The following TENM1 variants were observed in gnomAD, a reference collection of about 807,000 sequenced individuals.
TENM1 encodes the protein teneurin transmembrane protein 1.
TENM1 carries 35 observed loss-of-function variants against 174.8 expected under a neutral mutation model. The observed-to-expected ratio is 0.20, with a 90% CI of 0.15 to 0.27. The LOEUF (loss-of-function observed/expected upper bound fraction) is 0.27, where lower values mean the gene tolerates loss of function less well. TENM1 is among the 10% of genes least tolerant of loss of function. The pLI, the probability that TENM1 is intolerant of heterozygous loss-of-function variation, is 1.00. For synonymous variants in TENM1, 781 were observed against 798.7 expected (o/e 0.98, Z 0.37); for missense variants, 1,633 against 2,130.1 (o/e 0.77, Z 4.59).
chrX:124,656,488 G>T (rs2051447145), intron 6 of TENM1, among the ~76,000 whole-genome samples: 1 of 112,200 alleles, frequency 8.9e-6, no homozygotes, highest in South Asian at 3.7e-4. Flanking sequence ...GACAACATAC[G>T]AATGAGCACG....
At chrX:124,527,008 C>G (rs1206150379) in intron 16 of TENM1, among the ~76,000 whole-genome samples, 1 of 111,862 alleles carries the variant, frequency 8.9e-6, no homozygotes, top group Non-Finnish European at 1.9e-5. Flanking sequence ...GGTGGTAAAT[C>G]ATAGAAGAAA....
intron 3 of TENM1, among the ~76,000 whole-genome samples, chrX:124,760,246 T>C (rs1179569176): frequency 9.0e-6 from 1 of 111,557 alleles, no homozygotes; most frequent in Non-Finnish European, 1.9e-5. Context: ...CTTCTATGTG[T>C]CCGCAAGCCT....
intron 3 of TENM1, among the ~76,000 whole-genome samples, chrX:124,853,647 C>T (rs750142870): frequency 9.0e-6 from 1 of 110,537 alleles, no homozygotes. Flanking sequence ...CGAAGGTGTG[C>T]GTGGAGTAAA....
At chrX:124,900,409 C>A (rs1454751222) in intron 1 of TENM1, among the ~76,000 whole-genome samples, 1 of 111,725 alleles carries the variant, frequency 9.0e-6, no homozygotes, top group Non-Finnish European at 1.9e-5. Flanking sequence ...AGATGGATAA[C>A]AAGGGACACA....
chrX:124,384,817 T>C lies in TENM1; in HGVS notation c.6114A>G (p.Glu2038=), dbSNP rs761271947. The C allele has an allele frequency of 9.1e-6, 11 of 1,204,677 alleles. No individual in the cohort carries two copies. In the Admixed American group the frequency reaches 1.1e-4, roughly 12 times the overall value. The change falls in exon 30 of 32, where the codon GAA becomes GAG. Residue 2038 remains glutamate, a synonymous_variant. Coordinates refer to ENST00000422452, the Ensembl canonical transcript of TENM1. The stretch of plus-strand genomic sequence containing the variant: ...CGAACCGTGCATTCACAAGGCCTTC[T>C]TCACTGAATCTGAAAATCTGGCGTC...
chrX:124,888,415 C>T (rs2057424024), intron 3 of TENM1, among the ~76,000 whole-genome samples: 1 of 111,894 alleles, frequency 8.9e-6, no homozygotes, highest in Admixed American at 9.5e-5. Context: ...ACTACAATGA[C>T]AACGGGAAAT....
chrX:124,962,893 C>T (rs974692085), intron 1 of TENM1, among the ~76,000 whole-genome samples: 4 of 112,168 alleles, frequency 3.6e-5, no homozygotes, highest in Admixed American at 2.8e-4. Context: ...GTATCTTCTA[C>T]GTCATTAAAA....
intron 3 of TENM1, among the ~76,000 whole-genome samples, chrX:124,887,970 G>A (rs187055140): frequency 9.0e-6 from 1 of 111,698 alleles, no homozygotes; most frequent in Non-Finnish European, 1.9e-5. Flanking sequence ...AAAAAGCAAA[G>A]GAAAGAAATG....
At chrX:124,518,359 A>G (rs748149476) in intron 18 of TENM1, among the ~76,000 whole-genome samples, 1 of 105,336 alleles carries the variant, frequency 9.5e-6, no homozygotes, top group African/African-American at 3.5e-5. Context: ...CTCTCAGAGC[A>G]CAGAGAAGGA....
At chrX:124,756,134 C>T (rs1416716740) in intron 3 of TENM1, among the ~76,000 whole-genome samples, 24 of 104,502 alleles carry the variant, frequency 2.3e-4, no homozygotes, top group Admixed American at 1.6e-3. Flanking sequence ...ACCAATCAGA[C>T]GTAGATTTGG....
intron 3 of TENM1, among the ~76,000 whole-genome samples, chrX:124,787,364 C>A (rs2147191401): frequency 9.4e-6 from 1 of 105,900 alleles, no homozygotes; most frequent in South Asian, 3.8e-4. Flanking sequence ...GGAAAGTTTA[C>A]CCTCTTGTAA....
At chrX:124,386,267 C>G (rs1429151077) in intron 28 of TENM1, among the ~76,000 whole-genome samples, 2 of 111,318 alleles carry the variant, frequency 1.8e-5, no homozygotes, top group Non-Finnish European at 3.8e-5. Context: ...AGGAGAAAGA[C>G]AAGTAACCAA....
intron 5 of TENM1, among the ~76,000 whole-genome samples, chrX:124,684,017 T>G (rs922228415): frequency 1.8e-5 from 2 of 112,347 alleles, no homozygotes; most frequent in Non-Finnish European, 3.8e-5. Flanking sequence ...CTTCAATATA[T>G]AAAATTTCTT....
chrX:124,653,816 T>G (rs376816828), intron 6 of TENM1, 33 bp from the exon 10 acceptor site: 2 of 1,079,743 alleles, frequency 1.9e-6, no homozygotes, highest in Non-Finnish European at 2.5e-6. Flanking sequence ...TTACACACCA[T>G]GTTAATCTTA....
intron 23 of TENM1, among the ~76,000 whole-genome samples, chrX:124,450,364 A>AT (rs1222220659): frequency 9.2e-6 from 1 of 108,541 alleles, no homozygotes; most frequent in Non-Finnish European, 1.9e-5. Flanking sequence ...CGTCTCAAAA[A>AT]AAAAAAAAAA....
the TENM1 span, among the ~76,000 whole-genome samples, chrX:125,156,253 A>G: frequency 3.2e-3 from 356 of 111,727 alleles, 1 homozygote; most frequent in African/African-American, 0.011. Context: ...AACATTTAGC[A>G]GTTTTTAAAA....
chrX:124,483,589 T>TA (rs1471604128), intron 21 of TENM1, among the ~76,000 whole-genome samples: 1 of 112,742 alleles, frequency 8.9e-6, no homozygotes, highest in Non-Finnish European at 1.9e-5. Flanking sequence ...GTTTTTACTC[T>TA]AAGGCCTCAT....
intron 22 of TENM1, among the ~76,000 whole-genome samples, chrX:124,466,984 C>T (rs141815230): frequency 0.072 from 7,963 of 111,053 alleles, 343 homozygotes; most frequent in Non-Finnish European, 0.12. Context: ...GTTAGAGATG[C>T]TTTCCAAAAT....
At chrX:124,690,527 A>G (rs866672216) in intron 5 of TENM1, among the ~76,000 whole-genome samples, 14 of 94,450 alleles carry the variant, frequency 1.5e-4, no homozygotes, top group East Asian at 3.9e-4. Flanking sequence ...GTGTGTGTGT[A>G]TACACACATA....
Sources: gnomAD v4.1 joint callset for allele counts (sites outside exome capture counted in the v4.1 genomes callset) on GRCh38, gnomAD v4.1.1 for gene constraint, MANE v1.5 for transcripts, NCBI Gene and HGNC (gene_info 2026-07-23, HGNC 2026-07-21) for gene names.